PPP2R2C: variants seen among roughly 807,000 people sequenced by gnomAD.
PPP2R2C encodes protein phosphatase 2 regulatory subunit Bgamma, also known as protein phosphatase 2, regulatory subunit B, gamma.
PPP2R2C carries 10 observed loss-of-function variants against 45.3 expected under a neutral mutation model. That is an observed-to-expected ratio of 0.22 (90% CI 0.14 to 0.37). The LOEUF (loss-of-function observed/expected upper bound fraction) is 0.37, where lower values mean the gene tolerates loss of function less well. Among genes scored for constraint, PPP2R2C ranks in the 10% least tolerant of loss-of-function variants. PPP2R2C has a pLI of 1.00. For missense variants in PPP2R2C, 308 were observed against 619.7 expected, an observed-to-expected ratio of 0.50 and a Z score of 5.34; for synonymous variants, 257 against 245.4, an observed-to-expected ratio of 1.05 and a Z score of -0.44.
rs1316236508 is a variant in PPP2R2C at position 6,331,273 on chromosome 4, A to G, written c.961-1920T>C. Among the ~76,000 whole-genome samples, 3 of 152,068 alleles carry G rather than the reference A, an allele frequency of 2.0e-5. No individual in the cohort carries two copies. Among genetic ancestry groups the G allele is most frequent in the African/African-American group, 7.2e-5 (3 of 41,388 alleles). ...AGCTCTGGAGAAAGACTGTCAATCT[A>G]AGGTCCGCTGCTTGCTGGCTCTGTC... On this transcript the variant is annotated intron_variant, in intron 7 of 8. Coordinates refer to ENST00000382599, the MANE Select transcript of PPP2R2C (RefSeq NM_020416.4). The surrounding 1 kb of genome is among the most constrained non-coding windows in gnomAD (Gnocchi z 5.9).
intron 1 of PPP2R2C, among the ~76,000 whole-genome samples, chr4:6,436,908 T>A (rs2109419947): frequency 6.7e-6 from 1 of 150,354 alleles, no homozygotes; most frequent in African/African-American, 2.4e-5. Context: ...AAATGCCCAG[T>A]TGTCTTTGAC....
In PPP2R2C at chr4:6,372,517, G is replaced by A. The variant is rs779827170; in HGVS notation, c.625+6C>T. 1 of 1,613,662 alleles carries A rather than the reference G, an allele frequency of 6.2e-7. No homozygotes were observed. The highest frequency in any genetic ancestry group is 8.5e-7 in the Non-Finnish European group (1 of 1,179,646). ...GAGGCACTGGCCAGGCCACAGTGAA[G>A]GATACTGAAGCTCCTGTCGGTGATG... On this transcript the variant is annotated splice_donor_region_variant and intron_variant, in intron 5 of 8. Transcript: ENST00000382599.
At chr4:6,385,318 A>AT (rs1385630708) in intron 1 of PPP2R2C, among the ~76,000 whole-genome samples, 1 of 152,122 alleles carries the variant, frequency 6.6e-6, no homozygotes, top group East Asian at 1.9e-4. Flanking sequence ...ATGTCTACTC[A>AT]TTTTTATAGG....
intron 1 of PPP2R2C, among the ~76,000 whole-genome samples, chr4:6,421,863 C>G (rs1268196264): frequency 6.6e-6 from 1 of 152,200 alleles, no homozygotes; most frequent in African/African-American, 2.4e-5. Flanking sequence ...GCCAGGTCTG[C>G]TTACCTTCAA....
intron 5 of PPP2R2C, among the ~76,000 whole-genome samples, chr4:6,366,172 T>C (rs1349135210): frequency 2.6e-5 from 4 of 152,236 alleles, no homozygotes; most frequent in African/African-American, 9.6e-5. Context: ...CCAGGCTCTT[T>C]ATGTGAAAGA....
intron 6 of PPP2R2C, among the ~76,000 whole-genome samples, chr4:6,336,244 C>G (rs919663218): frequency 2.0e-5 from 3 of 152,048 alleles, no homozygotes; most frequent in Non-Finnish European, 4.4e-5. Flanking sequence ...CCTGCGACCT[C>G]AATCTCCCTC....
intron 1 of PPP2R2C, among the ~76,000 whole-genome samples, chr4:6,429,882 A>G (rs1220923671): frequency 6.6e-6 from 1 of 152,078 alleles, no homozygotes; most frequent in Non-Finnish European, 1.5e-5. Context: ...GGATGCCCAC[A>G]GCATCCGAGA....
chr4:6,421,206 G>A, intron 1 of PPP2R2C: 1 of 871,462 alleles, frequency 1.1e-6, no homozygotes, highest in Non-Finnish European at 1.4e-6. Flanking sequence ...CTCCCACCTG[G>A]ACCCAGGAGC....
At chr4:6,459,630 T>C (rs1721220214) in intron 1 of PPP2R2C, among the ~76,000 whole-genome samples, 1 of 152,100 alleles carries the variant, frequency 6.6e-6, no homozygotes, top group Non-Finnish European at 1.5e-5. Flanking sequence ...GGAAGTTCAA[T>C]CTCACTGAAA....
At chr4:6,342,708 T>C (rs1220306540) in intron 6 of PPP2R2C, among the ~76,000 whole-genome samples, 1 of 152,240 alleles carries the variant, frequency 6.6e-6, no homozygotes, top group African/African-American at 2.4e-5. Flanking sequence ...AGGACTCATG[T>C]ACGGTTGTTT....
intron 2 of PPP2R2C, among the ~76,000 whole-genome samples, chr4:6,521,043 G>A (rs1026829393): frequency 2.6e-5 from 4 of 152,158 alleles, no homozygotes; most frequent in African/African-American, 9.7e-5. Flanking sequence ...CCCTCAATTA[G>A]CAGAGTCTGA....
intron 1 of PPP2R2C, among the ~76,000 whole-genome samples, chr4:6,536,511 T>A (rs188003166): frequency 6.6e-6 from 1 of 152,242 alleles, no homozygotes; most frequent in Non-Finnish European, 1.5e-5. Context: ...CTCATCATTT[T>A]AAAAGAATGT....
At chr4:6,536,113 G>A (rs1724604124) in intron 1 of PPP2R2C, among the ~76,000 whole-genome samples, 1 of 152,126 alleles carries the variant, frequency 6.6e-6, no homozygotes, top group East Asian at 1.9e-4. Flanking sequence ...AGGAAGGGAT[G>A]AGGGTTAGGT....
chr4:6,448,782 G>T (rs1331231935), intron 1 of PPP2R2C, among the ~76,000 whole-genome samples: 2 of 152,168 alleles, frequency 1.3e-5, no homozygotes, highest in African/African-American at 4.8e-5. Context: ...TCCCCCCAGT[G>T]AGCAAAGGAA....
At chr4:6,413,383 G>C (rs900695650) in intron 1 of PPP2R2C, among the ~76,000 whole-genome samples, 19 of 152,244 alleles carry the variant, frequency 1.2e-4, no homozygotes, top group Non-Finnish European at 1.5e-5. Context: ...ATAAGCAGAG[G>C]CTGAACTGCC....
At chr4:6,376,131 C>G (rs1715282880) in intron 3 of PPP2R2C, among the ~76,000 whole-genome samples, 200 bp from the exon 4 acceptor site, 1 of 152,208 alleles carries the variant, frequency 6.6e-6, no homozygotes, top group African/African-American at 2.4e-5. Flanking sequence ...GAACGGCCAG[C>G]CTCCGCAGTC....
intron 2 of PPP2R2C, among the ~76,000 whole-genome samples, chr4:6,520,603 C>A (rs910689971): frequency 6.6e-6 from 1 of 152,208 alleles, no homozygotes; most frequent in African/African-American, 2.4e-5. Context: ...TGATTCAAGT[C>A]CAAGGGGTGT....
At chr4:6,551,024 G>A (rs901526860) in intron 1 of PPP2R2C, among the ~76,000 whole-genome samples, 33 of 152,258 alleles carry the variant, frequency 2.2e-4, no homozygotes, top group Admixed American at 4.6e-4. Context: ...CCTCGCCTCC[G>A]GGGCCATGGA....
intron 6 of PPP2R2C, among the ~76,000 whole-genome samples, chr4:6,342,079 GAT>G (rs1560459952): frequency 2.3e-5 from 2 of 86,432 alleles, no homozygotes; most frequent in African/African-American, 8.2e-5. Context: ...GATCTGCCAC[GAT>G]ACACACACAC....
Sources: allele counts gnomAD v4.1 joint callset (sites outside exome capture counted in the v4.1 genomes callset), GRCh38; gene constraint gnomAD v4.1.1; non-coding constraint Gnocchi (gnomAD v3.1); transcripts MANE v1.5; gene names NCBI Gene and HGNC (gene_info 2026-07-23, HGNC 2026-07-21).